Variants in VPS13D observed in about 807,000 individuals in gnomAD.
VPS13D encodes the protein intermembrane lipid transfer protein VPS13D.
In VPS13D, 187 loss-of-function variants were observed where a neutral mutation model predicts 461.9. That is an observed-to-expected ratio of 0.40 (90% confidence interval 0.36 to 0.46). The LOEUF is 0.46. Among genes scored for constraint, VPS13D ranks in the 20% least tolerant of loss-of-function variants. The probability of loss-of-function intolerance (pLI) is 0.60; values close to 1 mark genes in which losing one functional copy is unlikely to be tolerated. For missense variants in VPS13D, 4,711 were observed against 5,364.9 expected (o/e 0.88, Z 3.81); for synonymous variants, 1,951 against 1,986.3 (o/e 0.98, Z 0.47).
chr1:12,378,150 G>A (rs1284208909), intron 55 of VPS13D, among the ~76,000 whole-genome samples: 3 of 151,986 alleles, frequency 2.0e-5, no homozygotes, highest in Non-Finnish European at 4.4e-5. Context: ...TCTAAAAAAG[G>A]AAAAAAACTC....
chr1:12,290,256 A>T (rs372522122), intron 22 of VPS13D, among the ~76,000 whole-genome samples: 3 of 152,168 alleles, frequency 2.0e-5, no homozygotes, highest in Non-Finnish European at 4.4e-5. Context: ...TCATTAAATC[A>T]TACTAAAACA....
At chr1:12,500,147 T>G in intron 68 of VPS13D, 6 of 985,132 alleles carry the variant, frequency 6.1e-6, no homozygotes, top group Non-Finnish European at 7.2e-6. Context: ...TCAACTTTAT[T>G]CTCCCAGATC....
intron 22 of VPS13D, among the ~76,000 whole-genome samples, chr1:12,289,870 A>G (rs1642076282): frequency 6.6e-6 from 1 of 152,152 alleles, no homozygotes; most frequent in South Asian, 2.1e-4. Context: ...TGGAAGGTCA[A>G]GGCTGCAGTG....
At chr1:12,343,655 G>A (rs1445311640) in intron 42 of VPS13D, among the ~76,000 whole-genome samples, 4 of 152,196 alleles carry the variant, frequency 2.6e-5, no homozygotes, top group Non-Finnish European at 5.9e-5. Flanking sequence ...GATTACAGGC[G>A]TGAGCCACTG....
chr1:12,409,778 G>C (rs930604954), intron 63 of VPS13D: 1 of 434,564 alleles, frequency 2.3e-6, no homozygotes, highest in African/African-American at 2.1e-5. Flanking sequence ...AGAACTTCAA[G>C]AAAAGACAGA....
intron 60 of VPS13D, among the ~76,000 whole-genome samples, chr1:12,399,652 TCTA>T (rs1286241460): frequency 6.6e-6 from 1 of 151,860 alleles, no homozygotes; most frequent in Non-Finnish European, 1.5e-5. Context: ...AAACCCCGTC[TCTA>T]CTAAAAATAT....
intron 65 of VPS13D, among the ~76,000 whole-genome samples, chr1:12,436,581 T>G (rs985610731): frequency 2.0e-5 from 3 of 152,220 alleles, no homozygotes; most frequent in African/African-American, 7.2e-5. Flanking sequence ...AATGTTTCAC[T>G]TTTTGAGCCT....
chr1:12,282,843 T>A lies in VPS13D; in HGVS notation c.4741T>A (p.Cys1581Ser). The A allele has an allele frequency of 6.2e-7, 1 of 1,614,188 alleles. No homozygotes were observed. The highest frequency in any genetic ancestry group is 8.5e-7 in the Non-Finnish European group (1 of 1,180,020). The change falls in exon 21 of 70, where the codon TGT becomes AGT. Residue 1581 changes from cysteine to serine, a missense_variant. By Grantham distance (112) the Cys-to-Ser change is moderately radical. Transcript: ENST00000620676. Reference sequence around the variant, plus strand: ...TTCTCCTCTGCCTCCCCTCAGTACCTGTGGAGAATCTTCTGTTGAAAGGAA... The same window carrying A: ...TTCTCCTCTGCCTCCCCTCAGTACCAGTGGAGAATCTTCTGTTGAAAGGAA... ...PDSPLPPLST[C>S]GESSVERKEN...
rs918240928 is a variant in VPS13D at position 12,371,078 on chromosome 1, A to G, written c.10808+1376A>G. Among the ~76,000 whole-genome samples the G allele has an allele frequency of 3.9e-5, 6 of 152,320 alleles. No homozygotes were observed. The South Asian group carries it at 1.2e-3, about 32-fold the overall frequency. On this transcript the variant is annotated intron_variant, in intron 54 of 69. Coordinates refer to ENST00000620676, the MANE Select transcript of VPS13D (RefSeq NM_015378.4). Reference sequence around the variant, plus strand: ...TTGTTTTTGAGGTGAAACATAACATAAAAGTATTTTAAAGTGAACAGTTCA... The same window carrying G: ...TTGTTTTTGAGGTGAAACATAACATGAAAGTATTTTAAAGTGAACAGTTCA...
Position 12,509,075 on chromosome 1 carries a change from G to A in VPS13D, c.*51G>A, listed in dbSNP as rs201534589. 1.3e-3 allele frequency: 2,009 copies of A among 1,588,364 alleles called. 50 individuals are homozygous for A. In the South Asian group the frequency reaches 0.022, roughly 18 times the overall value. Reference sequence around the variant, plus strand: ...CCGACACAGCGCAGACCCACCAGGAGGAAAGAGGCCCAGCTCTCAGCTGAC... The same window carrying A: ...CCGACACAGCGCAGACCCACCAGGAAGAAAGAGGCCCAGCTCTCAGCTGAC... On this transcript the variant is annotated 3_prime_UTR_variant, in exon 70 of 70. Coordinates refer to ENST00000620676, the MANE Select transcript of VPS13D (RefSeq NM_015378.4).
At chr1:12,356,604 G>A (rs1643887894) in intron 49 of VPS13D, 80 bp downstream of exon 49, 1 of 1,530,352 alleles carries the variant, frequency 6.5e-7, no homozygotes, top group Admixed American at 2.0e-5. Flanking sequence ...ATATATCCGT[G>A]TAAGTAGAAA....
rs1641817712 is a variant in VPS13D at position 12,282,586 on chromosome 1, G to A, written c.4603-119G>A. ...AAATAAATGAAAAGAGATAGTCTTT[G>A]CTATCAGGTAACTTACAGCCTCATG... On this transcript the variant is annotated intron_variant, in intron 20 of 69. Transcript: ENST00000620676. 101 of 964,828 alleles carry A rather than the reference G, an allele frequency of 1.0e-4. 2 individuals carry two copies. The South Asian group carries it at 1.6e-3, about 15-fold the overall frequency. The allele number at this position is 964,828 out of a possible 1,614,324, so 59.8% of individuals were successfully genotyped here.
intron 67 of VPS13D, among the ~76,000 whole-genome samples, chr1:12,482,582 T>C (rs1226222314): frequency 2.6e-5 from 4 of 152,162 alleles, no homozygotes; most frequent in African/African-American, 9.7e-5. Flanking sequence ...GCATGAATTA[T>C]CTCTTTAATC....
chr1:12,415,498 T>C (rs765883709), intron 64 of VPS13D, among the ~76,000 whole-genome samples: 2 of 152,272 alleles, frequency 1.3e-5, no homozygotes, highest in East Asian at 1.9e-4. Flanking sequence ...TAGTTGATGC[T>C]TTAATAATAA....
intron 60 of VPS13D, among the ~76,000 whole-genome samples, chr1:12,391,064 T>C (rs2101663418): frequency 6.6e-6 from 1 of 152,350 alleles, no homozygotes; most frequent in Non-Finnish European, 1.5e-5. Context: ...AGTTTTCTAA[T>C]CATGCTCTTC....
chr1:12,454,806 A>G (rs1375119614), intron 65 of VPS13D, among the ~76,000 whole-genome samples: 3 of 152,230 alleles, frequency 2.0e-5, no homozygotes, highest in African/African-American at 2.4e-5. Context: ...CCTTGTATCT[A>G]AGGAACATTC....
At chr1:12,431,034 T>G (rs1238022934) in intron 65 of VPS13D, among the ~76,000 whole-genome samples, 1 of 152,242 alleles carries the variant, frequency 6.6e-6, no homozygotes, top group African/African-American at 2.4e-5. Flanking sequence ...AGGAAGAATT[T>G]GCCACTTGTT....
intron 52 of VPS13D, among the ~76,000 whole-genome samples, chr1:12,364,291 C>A (rs566840205): frequency 1.0e-3 from 153 of 152,266 alleles, no homozygotes; most frequent in African/African-American, 3.6e-3. Flanking sequence ...CTAGGTACCT[C>A]ATGTGAGTTT....
intron 30 of VPS13D, 60 bp downstream of exon 30, chr1:12,314,387 T>A (rs1642837080): frequency 6.4e-7 from 1 of 1,550,688 alleles, no homozygotes; most frequent in Non-Finnish European, 8.8e-7. Flanking sequence ...TTGGGTCACG[T>A]CTTTGTTGGC....
Sources: allele counts gnomAD v4.1 joint callset (sites outside exome capture counted in the v4.1 genomes callset), GRCh38; gene constraint gnomAD v4.1.1; transcripts MANE v1.5; gene names NCBI Gene and HGNC (gene_info 2026-07-23, HGNC 2026-07-21).